Variants in KPRP observed in about 807,000 individuals in gnomAD.
KPRP encodes the protein keratinocyte proline-rich protein.
For synonymous variants in KPRP, 282 were observed against 276.9 expected (o/e 1.02, Z -0.18); for missense variants, 820 against 746.4 (o/e 1.10, Z -1.15).
chr1:152,760,190 G>C, exon 1 of KPRP: 1 of 1,614,104 alleles, frequency 6.2e-7, no homozygotes, highest in Middle Eastern at 1.6e-4. Context: ...AGGGCTACCT[G>C]CAACAACTAC....
At chr1:152,759,096 T>G (rs1423776192), upstream of KPRP, among the ~76,000 whole-genome samples, 1 of 152,208 alleles carries the variant, frequency 6.6e-6, no homozygotes. Context: ...TGGTGCTGAG[T>G]GCTTATTCTC....
exon 1 of KPRP, chr1:152,761,264 G>A: frequency 6.2e-7 from 1 of 1,614,192 alleles, no homozygotes; most frequent in South Asian, 1.1e-5. Context: ...GGTCAGGATG[G>A]CCATGGAGAC....
chr1:152,760,414 G>T lies in KPRP; in HGVS notation c.826G>T (p.Glu276Ter). ...CAGCTGTTCCCCACCAAGACGTTTT[G>T]AGCCCTGCTCCAGCAGCTACCTGCC... Residue 276 changes from glutamate (E) to a stop codon, truncating the protein, a stop_gained, in exon 1 of 1, where the codon GAG (glutamate) becomes TAG (stop). Coordinates refer to ENST00000606109, the Ensembl canonical transcript of KPRP. LOFTEE classifies it low-confidence loss of function (END_TRUNC). 6.2e-7 allele frequency: 1 copy of T among 1,613,940 alleles called. No individual in the cohort carries two copies. Among genetic ancestry groups the T allele is most frequent in the Non-Finnish European group, 8.5e-7 (1 of 1,179,992 alleles).
exon 1 of KPRP, chr1:152,761,406 T>C: frequency 9.3e-6 from 14 of 1,511,762 alleles, no homozygotes; most frequent in Non-Finnish European, 1.2e-5. Flanking sequence ...CAGTACGCTC[T>C]TGTTTGAATC....
chr1:152,758,926 T>C (rs1651020959), upstream of KPRP, among the ~76,000 whole-genome samples: 1 of 152,208 alleles, frequency 6.6e-6, no homozygotes, highest in African/African-American at 2.4e-5. Context: ...ATGAATTTAT[T>C]TCAAAACATT....
chr1:152,758,544 C>T (rs1651012001), upstream of KPRP, among the ~76,000 whole-genome samples: 1 of 152,170 alleles, frequency 6.6e-6, no homozygotes, highest in African/African-American at 2.4e-5. Flanking sequence ...GGGCTGCCTG[C>T]ACATAAACAC....
At chr1:152,761,036 C>T (rs1284474756) in exon 1 of KPRP, 15 of 1,613,222 alleles carry the variant, frequency 9.3e-6, no homozygotes, top group Admixed American at 1.7e-5. Context: ...CCCCTGCCGG[C>T]GCCCTGCCCA....
At position 152,760,837 on chromosome 1, in the gene KPRP, GAACCA is replaced by G; in HGVS notation, c.1250_1254del (p.Glu417AlafsTer38). 1 of 1,614,132 alleles carries G rather than the reference GAACCA, an allele frequency of 6.2e-7. No individual in the cohort carries two copies. The highest frequency in any genetic ancestry group is 1.1e-5 in the South Asian group (1 of 91,088). On this transcript the variant is annotated frameshift_variant, in exon 1 of 1. Coordinates refer to ENST00000606109, the Ensembl canonical transcript of KPRP. LOFTEE classifies it low-confidence loss of function (END_TRUNC). ...GCGCCCAGAACCATGCATAAGTCTA[GAACCA>G]CGCCCGCGTCCTCTACCACGACAAC...
exon 1 of KPRP, chr1:152,760,617 T>C: frequency 6.2e-7 from 1 of 1,609,368 alleles, no homozygotes; most frequent in Non-Finnish European, 8.5e-7. Flanking sequence ...CACAGAGGTG[T>C]CCTGTTGAGA....
At chr1:152,761,357 C>A in exon 1 of KPRP, 4 of 1,586,206 alleles carry the variant, frequency 2.5e-6, no homozygotes, top group Non-Finnish European at 3.4e-6. Context: ...AACCCTCTCT[C>A]CTGCTCTGAA....
chr1:152,761,396 C>T lies in KPRP; in HGVS notation c.*68C>T, dbSNP rs1651128387. 7.8e-6 allele frequency: 12 copies of T among 1,532,236 alleles called. No individual in the cohort carries two copies. In the South Asian group the frequency reaches 1.6e-4, roughly 20 times the overall value. The allele number at this position is 1,532,236 out of a possible 1,614,324, so 94.9% of individuals were successfully genotyped here. A position where few individuals can be genotyped will look rare whatever the true frequency, so the allele number is the denominator to read the frequency against. On this transcript the variant is annotated 3_prime_UTR_variant, in exon 1 of 1. Transcript: ENST00000606109. ...GTTGTTCCTCCTATTCCACAATTTC[C>T]AGTACGCTCTTGTTTGAATCTCTCC...
chr1:152,759,189 G>C (rs1651028304), upstream of KPRP, among the ~76,000 whole-genome samples: 1 of 152,198 alleles, frequency 6.6e-6, no homozygotes, highest in African/African-American at 2.4e-5. Flanking sequence ...TGTGGGAATG[G>C]AGTTTCCACT....
upstream of KPRP, among the ~76,000 whole-genome samples, chr1:152,758,468 G>A (rs1170543339): frequency 6.6e-6 from 1 of 152,138 alleles, no homozygotes; most frequent in African/African-American, 2.4e-5. Context: ...GAGCATTTGG[G>A]GAGCTTATTG....
chr1:152,760,941 C>T (rs1329713325), exon 1 of KPRP: 9 of 1,612,942 alleles, frequency 5.6e-6, no homozygotes, highest in Non-Finnish European at 7.6e-6. Flanking sequence ...CCCTTCCTCG[C>T]CCAGGGCAGT....
exon 1 of KPRP, chr1:152,760,818 A>G (rs1002641671): frequency 1.5e-5 from 24 of 1,614,144 alleles, no homozygotes; most frequent in Non-Finnish European, 2.0e-5. Flanking sequence ...GTCTGCGCCC[A>G]GAACCATGCA....
exon 1 of KPRP, chr1:152,761,668 C>T (rs771760464): frequency 2.1e-5 from 5 of 233,764 alleles, no homozygotes; most frequent in Non-Finnish European, 2.7e-5. Flanking sequence ...TGGACCACTT[C>T]TCTCCTCCTC....
chr1:152,761,163 C>T (rs373854606), exon 1 of KPRP: 74 of 1,614,004 alleles, frequency 4.6e-5, no homozygotes, highest in African/African-American at 1.2e-4. Flanking sequence ...GCCTAGACAC[C>T]GAAGCTCCCT....
At position 152,761,401 on chromosome 1, in the gene KPRP, C is replaced by T. The variant is rs191429821; in HGVS notation, c.*73C>T. On this transcript the variant is annotated 3_prime_UTR_variant, in exon 1 of 1. Coordinates refer to ENST00000606109, the Ensembl canonical transcript of KPRP. ...TCCTCCTATTCCACAATTTCCAGTA[C>T]GCTCTTGTTTGAATCTCTCCAAAGA... 1.5e-4 allele frequency: 235 copies of T among 1,521,956 alleles called. 1 individual carries two copies. In the African/African-American group the frequency reaches 2.6e-3, roughly 17 times the overall value. The allele number at this position is 1,521,956 out of a possible 1,614,324, so 94.3% of individuals were successfully genotyped here.
chr1:152,760,447 C>T (rs1383104559), exon 1 of KPRP: 1 of 1,613,894 alleles, frequency 6.2e-7, no homozygotes, highest in Non-Finnish European at 8.5e-7. Flanking sequence ...GCCACTAAGA[C>T]CCTCTGAAGG....
Sources: allele counts gnomAD v4.1 joint callset (sites outside exome capture counted in the v4.1 genomes callset), GRCh38; gene constraint gnomAD v4.1.1; transcripts MANE v1.5; gene names NCBI Gene and HGNC (gene_info 2026-07-23, HGNC 2026-07-21).